ZBTB16: variants seen among roughly 807,000 people sequenced by gnomAD.
ZBTB16 encodes zinc finger and BTB domain-containing protein 16.
ZBTB16 carries 8 observed loss-of-function variants against 56.8 expected under a neutral mutation model. The observed-to-expected ratio is 0.14, with a 90% CI of 0.08 to 0.25. The LOEUF is 0.25. Among genes scored for constraint, ZBTB16 ranks in the 10% least tolerant of loss-of-function variants. The pLI is 1.00. For missense variants in ZBTB16, 625 were observed against 903.0 expected, an observed-to-expected ratio of 0.69 and a Z score of 3.95; for synonymous variants, 363 against 368.5, an observed-to-expected ratio of 0.98 and a Z score of 0.17.
At position 114,064,175 on chromosome 11, in the gene ZBTB16, C is replaced by T; in HGVS notation, c.875C>T (p.Ala292Val). The T allele has an allele frequency of 6.2e-7, 1 of 1,613,882 alleles. No individual in the cohort carries two copies. The highest frequency in any genetic ancestry group is 8.5e-7 in the Non-Finnish European group (1 of 1,180,002). ...ACTCGAAGCAGCGTCATCACCAGTG[C>T]TAGGGAGCTACACTATGGGCGAGAG... ...TPTRSSVITS[A>V]RELHYGREES... The change falls in exon 2 of 7, where the codon GCT (alanine) becomes GTT (valine). Residue 292 changes from alanine (A) to valine (V), a missense_variant. Ala to Val is a moderately conservative substitution (Grantham distance 64). Coordinates refer to ENST00000335953, the MANE Select transcript of ZBTB16 (RefSeq NM_006006.6). The surrounding 1 kb of genome is among the most constrained non-coding windows in gnomAD (Gnocchi z 4.2).
chr11:114,104,948 C>T (rs911327656), intron 2 of ZBTB16, among the ~76,000 whole-genome samples: 1 of 152,100 alleles, frequency 6.6e-6, no homozygotes, highest in Non-Finnish European at 1.5e-5. Context: ...GCTGTTGTTA[C>T]CACACAGGCC....
At chr11:114,223,185 A>C (rs538917572) in intron 4 of ZBTB16, among the ~76,000 whole-genome samples, 7 of 152,216 alleles carry the variant, frequency 4.6e-5, no homozygotes, top group Admixed American at 6.5e-5. Flanking sequence ...ACTCCTCATC[A>C]GGAAGGGACA....
intron 4 of ZBTB16, among the ~76,000 whole-genome samples, chr11:114,235,029 T>C (rs1468721648): frequency 6.6e-6 from 1 of 151,544 alleles, no homozygotes; most frequent in African/African-American, 2.4e-5. Context: ...GAAAGACATA[T>C]CTGAAGGATT....
At chr11:114,160,072 T>A (rs1446417698) in intron 3 of ZBTB16, among the ~76,000 whole-genome samples, 1 of 152,116 alleles carries the variant, frequency 6.6e-6, no homozygotes, top group Non-Finnish European at 1.5e-5. Flanking sequence ...TTTCTTCTGC[T>A]CAGCAGAGCC....
intron 2 of ZBTB16, among the ~76,000 whole-genome samples, chr11:114,080,269 G>A (rs565552076): frequency 6.6e-6 from 1 of 152,068 alleles, no homozygotes; most frequent in Non-Finnish European, 1.5e-5. Context: ...TCCTTGCCCC[G>A]AACACTTGAA....
chr11:114,140,926 C>T (rs1001201069), intron 2 of ZBTB16, among the ~76,000 whole-genome samples: 4 of 152,186 alleles, frequency 2.6e-5, no homozygotes, highest in African/African-American at 9.7e-5. Flanking sequence ...ATGGTCCCTG[C>T]CCACGCTGAG....
Position 114,068,931 on chromosome 11 carries a change from C to A in ZBTB16, c.1268+4363C>A, listed in dbSNP as rs557376910. 1.3e-4 allele frequency among the ~76,000 whole-genome samples: 20 copies of A among 152,314 alleles called. No individual in the cohort carries two copies. The South Asian group carries it at 4.1e-3, about 32-fold the overall frequency. ...TGAACATAGTCCTCATTTATAGTCC[C>A]TAGTCTCCCATGGCTCACGCAGCTT... On this transcript the variant is annotated intron_variant, in intron 2 of 6. Coordinates refer to ENST00000335953, the MANE Select transcript of ZBTB16 (RefSeq NM_006006.6).
At chr11:114,095,503 G>A (rs534765731) in intron 2 of ZBTB16, among the ~76,000 whole-genome samples, 4 of 152,040 alleles carry the variant, frequency 2.6e-5, no homozygotes, top group South Asian at 2.1e-4. Flanking sequence ...CTCGTGGTCC[G>A]CCCGCCTTGG....
chr11:114,200,612 G>C (rs1195329523), intron 4 of ZBTB16, among the ~76,000 whole-genome samples: 1 of 152,136 alleles, frequency 6.6e-6, no homozygotes, highest in Non-Finnish European at 1.5e-5. Context: ...TGTTTTCTTG[G>C]GGTGATCTGG....
chr11:114,219,980 C>G (rs767095849), intron 4 of ZBTB16, among the ~76,000 whole-genome samples: 3 of 152,322 alleles, frequency 2.0e-5, no homozygotes, highest in African/African-American at 7.2e-5. Context: ...CCCAGTTTGA[C>G]TGCTGGACCC....
At chr11:114,120,434 T>A (rs776809165) in intron 2 of ZBTB16, among the ~76,000 whole-genome samples, 4 of 152,192 alleles carry the variant, frequency 2.6e-5, no homozygotes, top group Admixed American at 6.5e-5. Flanking sequence ...TCCCTTCACC[T>A]CTTCTACTGT....
chr11:114,191,924 A>G (rs1279919166), intron 4 of ZBTB16, among the ~76,000 whole-genome samples: 1 of 152,230 alleles, frequency 6.6e-6, no homozygotes, highest in Non-Finnish European at 1.5e-5. Flanking sequence ...TGTGTTTAAA[A>G]GATTATTCTG....
At chr11:114,111,684 AT>A (rs1941009529) in intron 2 of ZBTB16, among the ~76,000 whole-genome samples, 1 of 152,120 alleles carries the variant, frequency 6.6e-6, no homozygotes, top group East Asian at 1.9e-4. Flanking sequence ...TTTGGGAGTT[AT>A]TTTACTTGTG....
intron 4 of ZBTB16, among the ~76,000 whole-genome samples, chr11:114,221,841 C>G (rs1262559352): frequency 6.6e-6 from 1 of 152,104 alleles, no homozygotes; most frequent in Non-Finnish European, 1.5e-5. Flanking sequence ...ACAACTGCAA[C>G]TGAATGACTC....
At position 114,107,805 on chromosome 11, in the gene ZBTB16, C is replaced by T. The variant is rs116975209; in HGVS notation, c.1268+43237C>T. 5.7e-3 allele frequency among the ~76,000 whole-genome samples: 869 copies of T among 152,064 alleles called. 6 individuals are homozygous for T. The highest frequency in any genetic ancestry group is 0.02 in the Middle Eastern group (6 of 294). ...CAAAGCTGGGCTGAGAAGAGTGGAGCTTGGATTGGAGATGATGTGCAGTCT... is the reference window on the plus strand; with the variant it reads ...CAAAGCTGGGCTGAGAAGAGTGGAGTTTGGATTGGAGATGATGTGCAGTCT... On this transcript the variant is annotated intron_variant, in intron 2 of 6. Transcript: ENST00000335953.
intron 2 of ZBTB16, among the ~76,000 whole-genome samples, chr11:114,154,380 T>C (rs1375153333): frequency 2.0e-5 from 3 of 152,188 alleles, no homozygotes; most frequent in African/African-American, 7.2e-5. Flanking sequence ...TTGCCATGAC[T>C]GTGTGCGAGT....
intron 2 of ZBTB16, among the ~76,000 whole-genome samples, chr11:114,100,690 T>G (rs1466607247): frequency 6.6e-6 from 1 of 152,120 alleles, no homozygotes; most frequent in Non-Finnish European, 1.5e-5. Flanking sequence ...CAGGCACAGA[T>G]GGAAAAAGAT....
At chr11:114,106,275 G>A (rs1047974542) in intron 2 of ZBTB16, among the ~76,000 whole-genome samples, 2 of 152,024 alleles carry the variant, frequency 1.3e-5, no homozygotes, top group African/African-American at 4.8e-5. Context: ...CCCTTGGCCG[G>A]TTTCATGCCT....
intron 2 of ZBTB16, among the ~76,000 whole-genome samples, chr11:114,101,882 A>C (rs1412480712): frequency 6.6e-6 from 1 of 152,246 alleles, no homozygotes; most frequent in Non-Finnish European, 1.5e-5. Flanking sequence ...TATGTGTTAC[A>C]GTGGTGATAA....
Sources: allele counts gnomAD v4.1 joint callset (sites outside exome capture counted in the v4.1 genomes callset), GRCh38; gene constraint gnomAD v4.1.1; non-coding constraint Gnocchi (gnomAD v3.1); transcripts MANE v1.5; gene names NCBI Gene and HGNC (gene_info 2026-07-23, HGNC 2026-07-21).